The following PHF3 variants were observed in gnomAD, a reference collection of about 807,000 sequenced individuals.
PHF3 encodes the protein PHD finger protein 3.
A neutral mutation model predicts 178.4 loss-of-function variants in PHF3; 41 were observed. That is an observed-to-expected ratio of 0.23 (90% CI 0.18 to 0.30). The LOEUF is 0.30. Among genes scored for constraint, PHF3 ranks in the 10% least tolerant of loss-of-function variants. PHF3 has a pLI of 1.00. For synonymous variants in PHF3, 842 were observed against 800.5 expected, an observed-to-expected ratio of 1.05 and a Z score of -0.88; for missense variants, 2,346 against 2,398.1, an observed-to-expected ratio of 0.98 and a Z score of 0.45.
intron 2 of PHF3, among the ~76,000 whole-genome samples, chr6:63,666,138 A>G (rs987539172): frequency 6.6e-6 from 1 of 152,210 alleles, no homozygotes; most frequent in Non-Finnish European, 1.5e-5. Flanking sequence ...AAAGTCTAAT[A>G]AAAGCTGCTA....
intron 4 of PHF3, among the ~76,000 whole-genome samples, chr6:63,686,698 A>G (rs1025480182): frequency 6.6e-6 from 1 of 152,214 alleles, no homozygotes; most frequent in Non-Finnish European, 1.5e-5. Flanking sequence ...ATTCTGTTCA[A>G]GTGTTCATAT....
At chr6:63,657,294 A>AG (rs2149551483) in intron 2 of PHF3, among the ~76,000 whole-genome samples, 1 of 152,324 alleles carries the variant, frequency 6.6e-6, no homozygotes, top group South Asian at 2.1e-4. Flanking sequence ...GATATACAGT[A>AG]GGCTCTTGAA....
At chr6:63,677,762 C>CAACTAAATCACTGATTGAACA (rs1766234222) in intron 2 of PHF3, among the ~76,000 whole-genome samples, 1 of 152,180 alleles carries the variant, frequency 6.6e-6, no homozygotes. Context: ...AAATTCCTTA[C>CAACTAAATCACTGATTGAACA]AACTAAATCA....
rs748838955 is a variant in PHF3, at chr6:63,720,687, A to T, written c.*6979A>T. 61 of 1,546,702 alleles carry T rather than the reference A, an allele frequency of 3.9e-5. No homozygotes were observed. Among genetic ancestry groups the T allele is most frequent in the Non-Finnish European group, 5.2e-5 (59 of 1,145,488 alleles). On this transcript the variant is annotated 3_prime_UTR_variant, in exon 16 of 16. Coordinates refer to ENST00000262043, the MANE Select transcript of PHF3 (RefSeq NM_001370348.2). Reference sequence around the variant, plus strand: ...GTTTTTTGGTTCCTGAAAAAATACAACATCTTTAATTTTGCCAACAAAATT... The same window carrying T: ...GTTTTTTGGTTCCTGAAAAAATACATCATCTTTAATTTTGCCAACAAAATT...
intron 2 of PHF3, among the ~76,000 whole-genome samples, chr6:63,659,235 T>C (rs1329293397): frequency 6.6e-6 from 1 of 152,176 alleles, no homozygotes; most frequent in Non-Finnish European, 1.5e-5. Flanking sequence ...AAATATGTTG[T>C]ACACCATAAA....
chr6:63,641,526 G>GTA (rs746930582), intron 1 of PHF3, among the ~76,000 whole-genome samples: 1 of 112,134 alleles, frequency 8.9e-6, no homozygotes. Context: ...TGTTAGGTGT[G>GTA]TATGTGTGTG....
Position 63,720,198 on chromosome 6 carries a change from G to C in PHF3, c.*6490G>C. The C allele has an allele frequency of 8.1e-6, 2 of 245,858 alleles. No individual in the cohort carries two copies. Among genetic ancestry groups the C allele is most frequent in the Non-Finnish European group, 1.5e-5 (2 of 129,906 alleles). The allele number at this position is 245,858 out of a possible 1,614,324, so 15.2% of individuals were successfully genotyped here. The stretch of plus-strand genomic sequence containing the variant: ...TAATAACTTGATTTTTTTCTTATTT[G>C]TACCTATCCCTAATTCATTCCCAAC... On this transcript the variant is annotated 3_prime_UTR_variant, in exon 16 of 16. Coordinates refer to ENST00000262043, the MANE Select transcript of PHF3 (RefSeq NM_001370348.2).
chr6:63,664,020 A>ATT (rs375015958), intron 2 of PHF3, among the ~76,000 whole-genome samples: 4 of 152,062 alleles, frequency 2.6e-5, no homozygotes, highest in African/African-American at 9.7e-5. Context: ...GAAAAGTGTC[A>ATT]TTTTTTTTAT....
At position 63,715,526 on chromosome 6, in the gene PHF3, T is replaced by G. The variant is rs1238572766; in HGVS notation, c.*1818T>G. On this transcript the variant is annotated 3_prime_UTR_variant, in exon 16 of 16. Coordinates refer to ENST00000262043, the MANE Select transcript of PHF3 (RefSeq NM_001370348.2). ...CAGACTCCAGATTTCTTTTGCAAGATGAAAGTAAAAACGAGTGGGTTAATG... is the reference window on the plus strand; with the variant it reads ...CAGACTCCAGATTTCTTTTGCAAGAGGAAAGTAAAAACGAGTGGGTTAATG... The G allele has an allele frequency of 1.3e-5, 2 of 152,174 alleles. No homozygotes were observed. The highest frequency in any genetic ancestry group is 2.9e-5 in the Non-Finnish European group (2 of 68,016). The allele number at this position is 152,174 out of a possible 1,614,324, so 9.4% of individuals were successfully genotyped here.
Position 63,711,676 on chromosome 6 carries a change from A to G in PHF3, c.4088A>G (p.His1363Arg), listed in dbSNP as rs1042537009. 1.9e-6 allele frequency: 3 copies of G among 1,613,894 alleles called. No homozygotes were observed. Among genetic ancestry groups the G allele is most frequent in the Middle Eastern group, 1.7e-4 (1 of 6,060 alleles). ...CACAGTGCCTGTGCTAGTACTAGTC[A>G]TATAGCTGAGACTCCTGAAAGTGCA... ...RQHSACASTS[H>R]IAETPESAPP... The change falls in exon 16 of 16, where the codon CAT becomes CGT. Residue 1363 changes from histidine to arginine, a missense_variant. By Grantham distance (29) the His-to-Arg change is conservative. Transcript: ENST00000262043.
Position 63,698,591 on chromosome 6 carries a change from G to T in PHF3, c.2968G>T (p.Asp990Tyr). Residue 990 changes from aspartate to tyrosine, a missense_variant, in exon 8 of 16, where the codon GAT (aspartate) becomes TAT (tyrosine). This residue lies in a region of PHF3 where 45 missense variants were observed against 87.9 expected (regional missense o/e 0.51). Transcript: ENST00000262043. ...TAGAAGTTTGATGTTTAATTTGAAA[G>T]ATCCTAAAAACAATGTAAGTATGCT... is the stretch of plus-strand genomic sequence containing the variant. ...KYRSLMFNLK[D>Y]PKNNILFKKV... 1 of 1,571,346 alleles carries T rather than the reference G, an allele frequency of 6.4e-7. No individual in the cohort carries two copies. The highest frequency in any genetic ancestry group is 8.6e-7 in the Non-Finnish European group (1 of 1,162,470).
Position 63,714,454 on chromosome 6 carries a change from A to G in PHF3, c.*746A>G, listed in dbSNP as rs1326653146. On this transcript the variant is annotated 3_prime_UTR_variant, in exon 16 of 16. Transcript: ENST00000262043. ...AATATGATAAAATAATTTCTCACCT[A>G]TTTTGTGTGTGTGACTTGAAATTCA... 1 of 147,532 alleles carries G rather than the reference A, an allele frequency of 6.8e-6. No individual in the cohort carries two copies. The highest frequency in any genetic ancestry group is 2.7e-5 in the African/African-American group (1 of 36,946). 9.1% of individuals were successfully genotyped at this position (147,532 alleles called of 1,614,324 possible). A position where few individuals can be genotyped will look rare whatever the true frequency, so the allele number is the denominator to read the frequency against.
intron 2 of PHF3, among the ~76,000 whole-genome samples, chr6:63,658,978 A>T (rs1022672811): frequency 2.6e-5 from 4 of 152,080 alleles, no homozygotes; most frequent in African/African-American, 9.7e-5. Context: ...CCTTTACCTA[A>T]TTGATTGTGG....
At chr6:63,700,988 C>T (rs181495140) in intron 9 of PHF3, among the ~76,000 whole-genome samples, 3 of 152,070 alleles carry the variant, frequency 2.0e-5, no homozygotes, top group Non-Finnish European at 4.4e-5. Flanking sequence ...ACAGAATTAC[C>T]TTGTGTTTTA....
intron 4 of PHF3, among the ~76,000 whole-genome samples, chr6:63,688,948 C>A (rs1235333405): frequency 2.0e-5 from 3 of 152,154 alleles, no homozygotes; most frequent in Non-Finnish European, 4.4e-5. Context: ...TTACGTATTG[C>A]AGTTGAAGTT....
rs529083327 is a variant in PHF3, at chr6:63,712,998, A to G, written c.5410A>G (p.Asn1804Asp). 1 of 1,614,036 alleles carries G rather than the reference A, an allele frequency of 6.2e-7. No individual in the cohort carries two copies. The highest frequency in any genetic ancestry group is 8.5e-7 in the Non-Finnish European group (1 of 1,179,956). The change falls in exon 16 of 16, where the codon AAC becomes GAC. Residue 1804 changes from asparagine to aspartate, a missense_variant. Asn to Asp is a conservative substitution (Grantham distance 23, BLOSUM62 1). This residue lies in a region of PHF3 where 839 missense variants were observed against 806.9 expected (regional missense o/e 1.04). Coordinates refer to ENST00000262043, the MANE Select transcript of PHF3 (RefSeq NM_001370348.2). ...NFSPMRPQQP[N>D]LQHLKSSPPG... ...TTCACCCATGAGGCCACAGCAGCCC[A>G]ACCTTCAGCATCTCAAGTCTAGCCC...
rs953865892 is a variant in PHF3 at position 63,722,958 on chromosome 6, T to C, written c.*9250T>C. 2.0e-5 allele frequency among the ~76,000 whole-genome samples: 3 copies of C among 152,246 alleles called. No individual in the cohort carries two copies. Among genetic ancestry groups the C allele is most frequent in the Non-Finnish European group, 4.4e-5 (3 of 68,036 alleles). ...TGTGATATTTGGTTAACAGCTGCTTTATCCACTAGGTTGTAAGCTTTATGA... is the reference window on the plus strand; with the variant it reads ...TGTGATATTTGGTTAACAGCTGCTTCATCCACTAGGTTGTAAGCTTTATGA... On this transcript the variant is annotated 3_prime_UTR_variant, in exon 16 of 16. Coordinates refer to ENST00000262043, the MANE Select transcript of PHF3 (RefSeq NM_001370348.2).
intron 3 of PHF3, among the ~76,000 whole-genome samples, chr6:63,680,398 A>ATTTTTTTTTTTTTTTTTTTTTT (rs994238749): frequency 5.1e-5 from 6 of 117,582 alleles, no homozygotes; most frequent in South Asian, 2.8e-4. Flanking sequence ...AGCTGGTTTA[A>ATTTTTTTTTTTTTTTTTTTTTT]TTTTTTTTTT....
intron 2 of PHF3, among the ~76,000 whole-genome samples, chr6:63,673,692 G>A (rs892856348): frequency 2.0e-5 from 3 of 152,232 alleles, no homozygotes; most frequent in Admixed American, 6.5e-5. Flanking sequence ...CAGGGTACCC[G>A]CCTGAGACTG....
Sources: allele counts gnomAD v4.1 joint callset (sites outside exome capture counted in the v4.1 genomes callset), GRCh38; gene constraint gnomAD v4.1.1; regional missense constraint gnomAD v4.1.1; transcripts MANE v1.5; gene names NCBI Gene and HGNC (gene_info 2026-07-23, HGNC 2026-07-21).